TENM1: variants seen among roughly 807,000 people sequenced by gnomAD.
TENM1 encodes the protein teneurin transmembrane protein 1.
A neutral mutation model predicts 174.8 loss-of-function variants in TENM1; 35 were observed. The observed-to-expected ratio is 0.20, with a 90% CI of 0.15 to 0.27. The LOEUF (loss-of-function observed/expected upper bound fraction) is 0.27. TENM1 is among the 10% of genes least tolerant of loss of function. The pLI, the probability that TENM1 is intolerant of heterozygous loss-of-function variation, is 1.00. For synonymous variants in TENM1, 781 were observed against 798.7 expected, an observed-to-expected ratio of 0.98 and a Z score of 0.37; for missense variants, 1,633 against 2,130.1, an observed-to-expected ratio of 0.77 and a Z score of 4.59.
At chrX:124,637,470 AT>A (rs777240529) in intron 11 of TENM1, among the ~76,000 whole-genome samples, 3 of 111,059 alleles carry the variant, frequency 2.7e-5, no homozygotes, top group African/African-American at 6.6e-5. Context: ...AGTTTGCGTC[AT>A]TTTTTTGACT....
At chrX:124,470,565 T>G (rs1433294812) in intron 22 of TENM1, among the ~76,000 whole-genome samples, 3 of 111,580 alleles carry the variant, frequency 2.7e-5, no homozygotes, top group Non-Finnish European at 3.8e-5. Flanking sequence ...TTTTACATTT[T>G]TATGTTTCAA....
intron 3 of TENM1, among the ~76,000 whole-genome samples, chrX:124,755,745 T>G (rs1165511185): frequency 9.2e-6 from 1 of 108,855 alleles, no homozygotes; most frequent in East Asian, 2.9e-4. Context: ...CCTTCACTTA[T>G]GAAGCTTAGT....
the TENM1 span, among the ~76,000 whole-genome samples, chrX:125,073,541 T>C: frequency 1.8e-5 from 2 of 111,571 alleles, no homozygotes; most frequent in African/African-American, 3.3e-5. Context: ...TTTTTCACTT[T>C]TATAATGGTG....
intron 3 of TENM1, among the ~76,000 whole-genome samples, chrX:124,751,723 T>C (rs1287685300): frequency 3.1e-5 from 3 of 98,140 alleles, no homozygotes; most frequent in Non-Finnish European, 6.1e-5. Flanking sequence ...TTCCCACCTA[T>C]GAGTGAGAAC....
At chrX:124,723,580 A>T (rs1276005974) in intron 4 of TENM1, among the ~76,000 whole-genome samples, 2 of 104,111 alleles carry the variant, frequency 1.9e-5, no homozygotes, top group Non-Finnish European at 3.9e-5. Context: ...GGAAGCAGAC[A>T]TATCTGGTGG....
chrX:124,390,776 T>A (rs1173934680), intron 28 of TENM1, among the ~76,000 whole-genome samples: 1 of 112,543 alleles, frequency 8.9e-6, no homozygotes, highest in Non-Finnish European at 1.9e-5. Context: ...ATTCAGTTAA[T>A]GTTGTAACAG....
At chrX:124,852,808 G>A (rs952558924) in intron 3 of TENM1, among the ~76,000 whole-genome samples, 2 of 111,295 alleles carry the variant, frequency 1.8e-5, no homozygotes, top group Non-Finnish European at 3.8e-5. Flanking sequence ...ACCTTTCAAG[G>A]GTGGAATGAA....
intron 4 of TENM1, among the ~76,000 whole-genome samples, chrX:124,717,124 C>T (rs1386932414): frequency 9.0e-6 from 1 of 111,470 alleles, no homozygotes; most frequent in Non-Finnish European, 1.9e-5. Context: ...GAGGCAGGGA[C>T]TGAAGTTGCT....
chrX:124,405,195 T>C, exon 27 of TENM1: 1 of 1,211,391 alleles, frequency 8.3e-7, no homozygotes. Flanking sequence ...CTGAGGCCGA[T>C]CTCCATCCCG....
the TENM1 span, among the ~76,000 whole-genome samples, chrX:125,153,653 T>C: frequency 8.9e-6 from 1 of 112,478 alleles, no homozygotes; most frequent in South Asian, 3.7e-4. Flanking sequence ...GACCCTTAGT[T>C]TCTCCCCTAC....
chrX:124,961,265 A>C (rs1199775496), intron 1 of TENM1, among the ~76,000 whole-genome samples: 1 of 112,149 alleles, frequency 8.9e-6, no homozygotes, highest in Non-Finnish European at 1.9e-5. Flanking sequence ...TTATATGCAA[A>C]ATTTTATGGA....
chrX:125,190,019 A>G, the TENM1 span, among the ~76,000 whole-genome samples: 4 of 111,737 alleles, frequency 3.6e-5, no homozygotes, highest in Admixed American at 9.5e-5. Context: ...ATCGCTATAT[A>G]TGCTTTGAAA....
At chrX:124,930,239 G>T (rs2058151137) in intron 1 of TENM1, among the ~76,000 whole-genome samples, 1 of 111,931 alleles carries the variant, frequency 8.9e-6, no homozygotes. Flanking sequence ...AGTCTATATT[G>T]TCTTGCTCCC....
At chrX:124,747,497 G>C (rs892397596) in intron 3 of TENM1, among the ~76,000 whole-genome samples, 8 of 106,353 alleles carry the variant, frequency 7.5e-5, no homozygotes, top group African/African-American at 2.7e-4. Context: ...CAAGTATTGG[G>C]TTGGTGCAAA....
At chrX:124,708,135 G>A (rs2052955366) in intron 4 of TENM1, among the ~76,000 whole-genome samples, 2 of 112,190 alleles carry the variant, frequency 1.8e-5, no homozygotes, top group African/African-American at 6.5e-5. Context: ...TAAGCATAAA[G>A]CCAACATCAC....
At chrX:124,619,226 C>T (rs192703390) in intron 11 of TENM1, among the ~76,000 whole-genome samples, 38 of 112,224 alleles carry the variant, frequency 3.4e-4, no homozygotes, top group African/African-American at 8.7e-4. Context: ...CTTCGTGAGA[C>T]GGTAACCCCT....
intron 1 of TENM1, among the ~76,000 whole-genome samples, chrX:124,953,262 G>A (rs2058517819): frequency 8.9e-6 from 1 of 111,974 alleles, no homozygotes; most frequent in Non-Finnish European, 1.9e-5. Flanking sequence ...TGTAATAAAA[G>A]AGAAGCAGCA....
At chrX:124,938,385 A>T (rs1262211904) in intron 1 of TENM1, among the ~76,000 whole-genome samples, 1 of 112,412 alleles carries the variant, frequency 8.9e-6, no homozygotes, top group Non-Finnish European at 1.9e-5. Context: ...TATCTGCTTC[A>T]TTTAAACAGT....
the TENM1 span, among the ~76,000 whole-genome samples, chrX:125,014,180 G>A: frequency 2.7e-5 from 3 of 112,371 alleles, no homozygotes; most frequent in East Asian, 2.8e-4. Context: ...ATAGTGTAAC[G>A]AGGCATCTCT....
Sources: gnomAD v4.1 joint callset for allele counts (sites outside exome capture counted in the v4.1 genomes callset) on GRCh38, gnomAD v4.1.1 for gene constraint, MANE v1.5 for transcripts, NCBI Gene and HGNC (gene_info 2026-07-23, HGNC 2026-07-21) for gene names.